MCTP1: variants seen among roughly 807,000 people sequenced by gnomAD.
MCTP1 encodes the protein multiple C2 and transmembrane domain containing 1.
MCTP1 carries 69 observed loss-of-function variants against 120.6 expected under a neutral mutation model. The ratio of observed to expected loss-of-function variants is 0.57; its 90% confidence interval spans 0.47 to 0.70. The LOEUF (loss-of-function observed/expected upper bound fraction) is 0.70. MCTP1 is among the 30% of genes least tolerant of loss of function. MCTP1 has a pLI of 0.00. For synonymous variants in MCTP1, 529 were observed against 493.1 expected (o/e 1.07, Z -0.96); for missense variants, 1,203 against 1,248.8 (o/e 0.96, Z 0.55).
intron 1 of MCTP1, among the ~76,000 whole-genome samples, chr5:95,122,330 TAGAC>T (rs1313129386): frequency 1.2e-4 from 18 of 152,056 alleles, no homozygotes; most frequent in Admixed American, 9.2e-4. Context: ...GAATTGAAAA[TAGAC>T]AGAAGATCTG....
At chr5:95,140,582 G>A (rs1037785880) in intron 1 of MCTP1, among the ~76,000 whole-genome samples, 3 of 151,354 alleles carry the variant, frequency 2.0e-5, no homozygotes, top group Non-Finnish European at 4.4e-5. Flanking sequence ...TTAACGGCCG[G>A]GCGCGATGGC....
At chr5:95,214,624 A>C (rs979042101) in intron 1 of MCTP1, among the ~76,000 whole-genome samples, 4 of 152,202 alleles carry the variant, frequency 2.6e-5, no homozygotes, top group African/African-American at 9.6e-5. Context: ...CCAAATGTCC[A>C]ACAACAATAG....
At chr5:95,030,458 A>G (rs1237185037) in intron 1 of MCTP1, among the ~76,000 whole-genome samples, 1 of 152,008 alleles carries the variant, frequency 6.6e-6, no homozygotes, top group Non-Finnish European at 1.5e-5. Context: ...GAAACTCCAC[A>G]CTCTCAGCCC....
chr5:94,799,909 AC>A (rs1352811496), intron 17 of MCTP1, among the ~76,000 whole-genome samples: 13 of 152,066 alleles, frequency 8.5e-5, no homozygotes, highest in Admixed American at 7.2e-4. Flanking sequence ...AGTATGACTC[AC>A]CCCCACCCGA....
chr5:95,144,061 C>A (rs990563582), intron 1 of MCTP1, among the ~76,000 whole-genome samples: 1 of 152,152 alleles, frequency 6.6e-6, no homozygotes, highest in African/African-American at 2.4e-5. Context: ...TGCAGCCTAA[C>A]CAGCATCTAC....
intron 5 of MCTP1, among the ~76,000 whole-genome samples, chr5:94,932,213 T>TAAAA (rs368203326): frequency 7.3e-5 from 7 of 95,834 alleles, no homozygotes; most frequent in Admixed American, 2.4e-4. Flanking sequence ...TATTCCTTTG[T>TAAAA]AAAAAAAAAA....
chr5:95,242,248 G>A (rs906962344), intron 1 of MCTP1, among the ~76,000 whole-genome samples: 5 of 151,720 alleles, frequency 3.3e-5, no homozygotes, highest in Admixed American at 6.6e-5. Context: ...TATTTCTGGC[G>A]AGGGATTACT....
intron 1 of MCTP1, among the ~76,000 whole-genome samples, chr5:95,137,621 C>T (rs1158013920): frequency 1.3e-5 from 2 of 152,236 alleles, no homozygotes; most frequent in Non-Finnish European, 2.9e-5. Flanking sequence ...TTCACCTCAA[C>T]TGTGGCACAT....
At chr5:95,063,825 A>AT (rs11380739) in intron 1 of MCTP1, among the ~76,000 whole-genome samples, 121,286 of 150,956 alleles carry the variant, frequency 0.8, 50,503 homozygotes, top group Non-Finnish European at 0.93. Flanking sequence ...CATTTTTTAT[A>AT]TTTTTTATTA....
intron 1 of MCTP1, among the ~76,000 whole-genome samples, chr5:95,129,775 C>A (rs916562445): frequency 6.6e-6 from 1 of 152,094 alleles, no homozygotes; most frequent in Admixed American, 6.5e-5. Flanking sequence ...TTCTCCCTGC[C>A]CCAGTCTCCC....
intron 19 of MCTP1, among the ~76,000 whole-genome samples, chr5:94,738,820 A>C (rs1243177230): frequency 6.6e-6 from 1 of 152,160 alleles, no homozygotes; most frequent in Non-Finnish European, 1.5e-5. Flanking sequence ...TCTCCACTGT[A>C]CCGAGCTCAG....
intron 19 of MCTP1, among the ~76,000 whole-genome samples, chr5:94,766,438 C>A (rs1476235769): frequency 7.7e-6 from 1 of 129,410 alleles, no homozygotes; most frequent in African/African-American, 3.1e-5. Flanking sequence ...AAACCAAACA[C>A]CACATGTTCT....
At chr5:95,174,521 G>T (rs547914334) in intron 1 of MCTP1, among the ~76,000 whole-genome samples, 1 of 152,170 alleles carries the variant, frequency 6.6e-6, no homozygotes, top group Non-Finnish European at 1.5e-5. Context: ...CAAATGGTGA[G>T]GTAGAATAGA....
intron 2 of MCTP1, among the ~76,000 whole-genome samples, chr5:94,992,268 T>C (rs73138023): frequency 0.019 from 2,958 of 152,132 alleles, 93 homozygotes; most frequent in African/African-American, 0.065. Flanking sequence ...TTAGTTAATA[T>C]GATGCTAAGT....
chr5:95,102,892 CAG>C, intron 1 of MCTP1, among the ~76,000 whole-genome samples: 1 of 152,216 alleles, frequency 6.6e-6, no homozygotes, highest in Middle Eastern at 3.4e-3. Flanking sequence ...CGGAGTAAGA[CAG>C]GGGAAGATGA....
intron 1 of MCTP1, among the ~76,000 whole-genome samples, chr5:95,221,086 T>C (rs951779236): frequency 1.3e-5 from 2 of 152,232 alleles, no homozygotes; most frequent in African/African-American, 4.8e-5. Flanking sequence ...CTGTCCAGCA[T>C]AGATGCTACA....
At chr5:95,262,821 T>A (rs1364557155) in intron 1 of MCTP1, among the ~76,000 whole-genome samples, 2 of 152,216 alleles carry the variant, frequency 1.3e-5, no homozygotes, top group Non-Finnish European at 2.9e-5. Flanking sequence ...TTCATTTATG[T>A]CAAACAATGT....
intron 6 of MCTP1, 61 bp downstream of exon 6, chr5:94,931,890 TGG>T (rs1279627533): frequency 8.3e-7 from 1 of 1,206,382 alleles, no homozygotes; most frequent in African/African-American, 1.5e-5. Flanking sequence ...GAGAGAGATC[TGG>T]GAAAGCAGAT....
chr5:94,953,945 T>TATA (rs1422663939), intron 2 of MCTP1, among the ~76,000 whole-genome samples: 8 of 68,522 alleles, frequency 1.2e-4, no homozygotes, highest in Non-Finnish European at 1.9e-4. Flanking sequence ...TATATACAAA[T>TATA]ATATATGCAT....
Sources: gnomAD v4.1 joint callset for allele counts (sites outside exome capture counted in the v4.1 genomes callset) on GRCh38, gnomAD v4.1.1 for gene constraint, MANE v1.5 for transcripts, NCBI Gene and HGNC (gene_info 2026-07-23, HGNC 2026-07-21) for gene names.